Variants in RPS6KA2 observed in about 807,000 individuals in gnomAD.
RPS6KA2 encodes the protein ribosomal protein S6 kinase A2.
RPS6KA2 carries 42 observed loss-of-function variants against 91.8 expected under a neutral mutation model. The observed-to-expected ratio is 0.46, with a 90% confidence interval of 0.36 to 0.59. The LOEUF (loss-of-function observed/expected upper bound fraction) is 0.59. Among genes scored for constraint, RPS6KA2 ranks in the 20% least tolerant of loss-of-function variants. The pLI, the probability that RPS6KA2 is intolerant of heterozygous loss-of-function variation, is 0.00. For missense variants in RPS6KA2, 798 were observed against 978.5 expected (o/e 0.82, Z 2.46); for synonymous variants, 414 against 393.6 (o/e 1.05, Z -0.61).
At chr6:166,474,055 G>T (rs1014413677) in intron 10 of RPS6KA2, among the ~76,000 whole-genome samples, 14 of 151,866 alleles carry the variant, frequency 9.2e-5, no homozygotes, top group African/African-American at 3.1e-4. Context: ...TCAGGGATGG[G>T]CTAGGGGCTC....
upstream of RPS6KA2, among the ~76,000 whole-genome samples, chr6:166,630,230 G>A (rs1454236588): frequency 6.6e-6 from 1 of 152,210 alleles, no homozygotes; most frequent in African/African-American, 2.4e-5. Context: ...TAAGGCTGGT[G>A]TGCTCTCTGC....
chr6:166,562,011 C>A (rs185761329), intron 1 of RPS6KA2, among the ~76,000 whole-genome samples: 2 of 152,126 alleles, frequency 1.3e-5, no homozygotes, highest in Admixed American at 6.5e-5. Context: ...TCAAAGCAGG[C>A]GGAGAGGGAG....
intron 2 of RPS6KA2, among the ~76,000 whole-genome samples, chr6:166,785,945 A>G (rs1778918454): frequency 6.6e-6 from 1 of 152,250 alleles, no homozygotes; most frequent in African/African-American, 2.4e-5. Flanking sequence ...AATAGCAGAT[A>G]ATAATCAATT....
chr6:166,788,071 T>C (rs929806660), intron 2 of RPS6KA2, among the ~76,000 whole-genome samples: 1 of 150,648 alleles, frequency 6.6e-6, no homozygotes, highest in African/African-American at 2.4e-5. Context: ...AACAGACATA[T>C]GAAAAAAAGC....
chr6:166,721,773 T>G (rs1012147856), intron 2 of RPS6KA2, among the ~76,000 whole-genome samples: 1 of 152,192 alleles, frequency 6.6e-6, no homozygotes, highest in Non-Finnish European at 1.5e-5. Context: ...CGCCCCACCT[T>G]GCAACCTCGC....
chr6:166,627,036 C>A lies in RPS6KA2; in HGVS notation c.-17G>T, dbSNP rs751545831. ...CAGGTCCATCGCCCCGCGCCCAGCC[C>A]GGAGCAGCCGCAGGGCCGGGGGACG... On this transcript the variant is annotated 5_prime_UTR_variant, in exon 1 of 21. Coordinates refer to ENST00000265678, the MANE Select transcript of RPS6KA2 (RefSeq NM_021135.6). 2 of 1,431,806 alleles carry A rather than the reference C, an allele frequency of 1.4e-6. No homozygotes were observed. The highest frequency in any genetic ancestry group is 3.0e-5 in the East Asian group (1 of 33,582). 88.7% of individuals were successfully genotyped at this position (1,431,806 alleles called of 1,614,324 possible).
intron 2 of RPS6KA2, among the ~76,000 whole-genome samples, chr6:166,843,609 T>C (rs1459551143): frequency 6.6e-6 from 1 of 152,152 alleles, no homozygotes; most frequent in East Asian, 1.9e-4. Flanking sequence ...TTTGCAGACG[T>C]TCCTCAGTAC....
chr6:166,692,151 T>G (rs1478546801), intron 2 of RPS6KA2, among the ~76,000 whole-genome samples: 2 of 152,030 alleles, frequency 1.3e-5, no homozygotes, highest in African/African-American at 4.8e-5. Context: ...CTCCCACAAG[T>G]GTCCCCTGTC....
At chr6:166,553,448 CTT>C (rs397953275) in intron 1 of RPS6KA2, among the ~76,000 whole-genome samples, 4 of 140,298 alleles carry the variant, frequency 2.9e-5, no homozygotes, top group Non-Finnish European at 4.7e-5. Context: ...TTTAGTCCCA[CTT>C]TTTTTTTTTT....
chr6:166,573,075 G>C (rs372645046), intron 1 of RPS6KA2, among the ~76,000 whole-genome samples: 28 of 152,274 alleles, frequency 1.8e-4, no homozygotes, highest in African/African-American at 6.0e-4. Flanking sequence ...AGAAGCTCTC[G>C]GGAGCCCTCC....
chr6:166,422,681 G>A (rs921072147), intron 17 of RPS6KA2, among the ~76,000 whole-genome samples: 2 of 152,158 alleles, frequency 1.3e-5, no homozygotes, highest in African/African-American at 4.8e-5. Flanking sequence ...AGTTCACCAG[G>A]TGCCTGCTAG....
intron 1 of RPS6KA2, among the ~76,000 whole-genome samples, chr6:166,861,232 T>G (rs1781039415): frequency 6.6e-6 from 1 of 152,252 alleles, no homozygotes; most frequent in Admixed American, 6.5e-5. Flanking sequence ...ATTGAATTTA[T>G]AAGTACAGTG....
intron 3 of RPS6KA2, among the ~76,000 whole-genome samples, chr6:166,513,799 C>T (rs941080311): frequency 3.3e-5 from 5 of 152,210 alleles, no homozygotes; most frequent in East Asian, 1.9e-4. Flanking sequence ...GCCAGGATAG[C>T]GCAGAACACT....
intron 1 of RPS6KA2, among the ~76,000 whole-genome samples, chr6:166,625,123 C>T (rs893325498): frequency 6.6e-6 from 1 of 152,180 alleles, no homozygotes; most frequent in Non-Finnish European, 1.5e-5. Flanking sequence ...TGAGCCACTG[C>T]GCCCGGCCAT....
intron 2 of RPS6KA2, among the ~76,000 whole-genome samples, chr6:166,671,053 T>C (rs185031923): frequency 6.6e-6 from 1 of 152,244 alleles, no homozygotes; most frequent in Admixed American, 6.5e-5. Context: ...CCTGAAGTGA[T>C]CCACCCGTCT....
intron 2 of RPS6KA2, among the ~76,000 whole-genome samples, chr6:166,727,319 A>AC (rs1790367734): frequency 1.4e-5 from 2 of 146,536 alleles, no homozygotes; most frequent in African/African-American, 4.9e-5. Context: ...TAAACAAACA[A>AC]ACACACACAC....
In RPS6KA2 at chr6:166,448,310, T is replaced by G. The variant is rs1165889871; in HGVS notation, c.1332+414A>C. Among the ~76,000 whole-genome samples, 1 of 152,206 alleles carries G rather than the reference T, an allele frequency of 6.6e-6. No homozygotes were observed. Among genetic ancestry groups the G allele is most frequent in the African/African-American group, 2.4e-5 (1 of 41,458 alleles). Reference sequence around the variant, plus strand: ...CCCCAACTCTGTTTTCTCAAAATACTGGGGGCCCAAAACTTTTGCTCTTGG... The same window carrying G: ...CCCCAACTCTGTTTTCTCAAAATACGGGGGGCCCAAAACTTTTGCTCTTGG... On this transcript the variant is annotated intron_variant, in intron 14 of 20. Transcript: ENST00000265678. The surrounding 1 kb of genome is among the most constrained non-coding windows in gnomAD (Gnocchi z 4.7).
At chr6:166,467,343 A>G (rs1287095266) in intron 11 of RPS6KA2, among the ~76,000 whole-genome samples, 1 of 152,234 alleles carries the variant, frequency 6.6e-6, no homozygotes, top group Non-Finnish European at 1.5e-5. Context: ...CAGATTCCTG[A>G]TCTTGCAGCT....
At chr6:166,486,256 GCACA>G (rs886386733) in intron 10 of RPS6KA2, among the ~76,000 whole-genome samples, 3 of 61,916 alleles carry the variant, frequency 4.8e-5, no homozygotes, top group Non-Finnish European at 9.3e-5. Flanking sequence ...ACAGCTGTGA[GCACA>G]CACACACACA....
Sources: allele counts gnomAD v4.1 joint callset (sites outside exome capture counted in the v4.1 genomes callset), GRCh38; gene constraint gnomAD v4.1.1; non-coding constraint Gnocchi (gnomAD v3.1); transcripts MANE v1.5; gene names NCBI Gene and HGNC (gene_info 2026-07-23, HGNC 2026-07-21).